KCNQ1: variants seen among roughly 807,000 people sequenced by gnomAD.
The protein encoded by KCNQ1 is potassium voltage-gated channel subfamily KQT member 1.
In KCNQ1, 49 loss-of-function variants were observed where a neutral mutation model predicts 72.4. The observed-to-expected ratio is 0.68, with a 90% confidence interval of 0.54 to 0.86. The LOEUF (loss-of-function observed/expected upper bound fraction) is 0.86, where lower values mean the gene tolerates loss of function less well. Among genes scored for constraint, KCNQ1 ranks in the 40% least tolerant of loss-of-function variants. The pLI, the probability that KCNQ1 is intolerant of heterozygous loss-of-function variation, is 0.00. For missense variants in KCNQ1, 790 were observed against 945.1 expected (o/e 0.84, Z 2.15); for synonymous variants, 450 against 412.6 (o/e 1.09, Z -1.10).
intron 6 of KCNQ1, among the ~76,000 whole-genome samples, chr11:2,578,612 C>T (rs1238523201): frequency 6.6e-6 from 1 of 152,226 alleles, no homozygotes; most frequent in African/African-American, 2.4e-5. Flanking sequence ...GGGGCCTCCT[C>T]ATGGCTGGGG....
rs1383406251 is a variant in KCNQ1 at position 2,764,866 on chromosome 11, G to A, written c.1515-3978G>A. Among the ~76,000 whole-genome samples the A allele has an allele frequency of 1.3e-5, 2 of 152,118 alleles. No individual in the cohort carries two copies. Among genetic ancestry groups the A allele is most frequent in the Non-Finnish European group, 2.9e-5 (2 of 68,028 alleles). On this transcript the variant is annotated intron_variant, in intron 11 of 15. Coordinates refer to ENST00000155840, the MANE Select transcript of KCNQ1 (RefSeq NM_000218.3). The surrounding 1 kb of genome is among the most constrained non-coding windows in gnomAD (Gnocchi z 4.8). The stretch of plus-strand genomic sequence containing the variant: ...CATTCCATCTTTAACTCCTGATGGC[G>A]GTCATTTGTGTCCCCTCCCCCATCT...
intron 6 of KCNQ1, among the ~76,000 whole-genome samples, chr11:2,583,071 C>T (rs1474150038): frequency 1.3e-5 from 2 of 152,318 alleles, no homozygotes; most frequent in African/African-American, 2.4e-5. Flanking sequence ...TGGGGGCCGG[C>T]GCACAGCAAC....
In KCNQ1 at chr11:2,483,972, T is replaced by C. The variant is rs184066388; in HGVS notation, c.386+38488T>C. Among the ~76,000 whole-genome samples the C allele has an allele frequency of 6.6e-6, 1 of 152,332 alleles. No homozygotes were observed. Among genetic ancestry groups the C allele is most frequent in the Non-Finnish European group, 1.5e-5 (1 of 68,026 alleles). ...TTTTGCTTGTGACAGGCAAAGTCTG[T>C]GGTGCTTGCCAAATGGGGATTTGTT... is the stretch of plus-strand genomic sequence containing the variant. On this transcript the variant is annotated intron_variant, in intron 1 of 15. Transcript: ENST00000155840. This position sits in a 1 kb window ranked among gnomAD's most constrained non-coding sequence, Gnocchi z 6.1.
In KCNQ1 at chr11:2,662,062, C is replaced by A; in HGVS notation, c.1495C>A (p.Pro499Thr). The A allele has an allele frequency of 6.2e-7, 1 of 1,614,224 alleles. No individual in the cohort carries two copies. Among genetic ancestry groups the A allele is most frequent in the Non-Finnish European group, 8.5e-7 (1 of 1,180,044 alleles). ...LDLEGETLLT[P>T]ITHISQLREH... The stretch of plus-strand genomic sequence containing the variant: ...CCTGGAAGGGGAGACTCTGCTGACA[C>A]CCATCACCCACATCTCACAGTGAGT... The change falls in exon 11 of 16, where the codon CCC (proline) becomes ACC (threonine). Residue 499 changes from proline to threonine, a missense_variant. Pro to Thr is a conservative substitution (Grantham distance 38). This residue lies in a region of KCNQ1 where 178 missense variants were observed against 177.9 expected (regional missense o/e 1.00). Coordinates refer to ENST00000155840, the MANE Select transcript of KCNQ1 (RefSeq NM_000218.3).
rs917703408 is a variant in KCNQ1, at chr11:2,491,796, C to G, written c.387-36132C>G. ...ATTTAATAGTCAAAGTTCCAAAGGTCAAGGATAAAGAAAGGATCCTAAAAG... is the reference window on the plus strand; with the variant it reads ...ATTTAATAGTCAAAGTTCCAAAGGTGAAGGATAAAGAAAGGATCCTAAAAG... On this transcript the variant is annotated intron_variant, in intron 1 of 15. Transcript: ENST00000155840. The surrounding 1 kb of genome is among the most constrained non-coding windows in gnomAD (Gnocchi z 4.1). Among the ~76,000 whole-genome samples the G allele has an allele frequency of 1.3e-5, 2 of 151,634 alleles. No homozygotes were observed. The highest frequency in any genetic ancestry group is 2.9e-5 in the Non-Finnish European group (2 of 67,938).
intron 1 of KCNQ1, among the ~76,000 whole-genome samples, chr11:2,490,090 G>A (rs571145722): frequency 6.6e-6 from 1 of 152,316 alleles, no homozygotes; most frequent in East Asian, 1.9e-4. Context: ...CAAGCTGACT[G>A]AAGAGCCCTC....
chr11:2,687,798 G>A lies in KCNQ1; in HGVS notation c.1514+25717G>A, dbSNP rs1850516618. The A allele has an allele frequency of 2.5e-6, 1 of 398,608 alleles. No homozygotes were observed. The highest frequency in any genetic ancestry group is 4.4e-6 in the Non-Finnish European group (1 of 226,190). 24.7% of individuals were successfully genotyped at this position (398,608 alleles called of 1,614,324 possible). ...CCTAACCACACCCCTAAGCCACCCA[G>A]CCTGGCCCCCCTCCTCTGCCCCAAC... is the stretch of plus-strand genomic sequence containing the variant. On this transcript the variant is annotated intron_variant, in intron 11 of 15. Coordinates refer to ENST00000155840, the MANE Select transcript of KCNQ1 (RefSeq NM_000218.3). The surrounding 1 kb of genome is among the most constrained non-coding windows in gnomAD (Gnocchi z 5.0).
At position 2,587,679 on chromosome 11, in the gene KCNQ1, A is replaced by G. The variant is rs1351149628; in HGVS notation, c.1238A>G (p.Lys413Arg). Residue 413 changes from lysine (K) to arginine (R), a missense_variant, in exon 9 of 16, where the codon AAG (lysine) becomes AGG (arginine). Coordinates refer to ENST00000155840, the MANE Select transcript of KCNQ1 (RefSeq NM_000218.3). ...HTLLSPSPKP[K>R]KSVVVKKKKF... is the part of the protein sequence containing the mutation. ...CTGCTGTCACCCAGCCCCAAACCCA[A>G]GAAGTCTGTGGTGGTGAGTAGCCCA... 26 of 1,613,592 alleles carry G rather than the reference A, an allele frequency of 1.6e-5. No homozygotes were observed. The highest frequency in any genetic ancestry group is 2.2e-5 in the Non-Finnish European group (26 of 1,179,964).
chr11:2,721,807 A>C (rs895577518), intron 11 of KCNQ1, among the ~76,000 whole-genome samples: 2 of 152,270 alleles, frequency 1.3e-5, no homozygotes, highest in Middle Eastern at 6.8e-3. Flanking sequence ...GCCTCCGAGG[A>C]GGTTCACCTG....
chr11:2,699,665 G>T, intron 11 of KCNQ1: 1 of 358,576 alleles, frequency 2.8e-6, no homozygotes, highest in South Asian at 1.3e-4. Flanking sequence ...AGAACCCCCG[G>T]GGAGAACCGC....
intron 2 of KCNQ1, among the ~76,000 whole-genome samples, chr11:2,553,573 G>C (rs756464998): frequency 2.0e-5 from 3 of 152,196 alleles, no homozygotes; most frequent in Non-Finnish European, 4.4e-5. Context: ...TAATTTGCTA[G>C]TGTGGGGAAT....
chr11:2,524,356 G>GT (rs1337527868), intron 1 of KCNQ1, among the ~76,000 whole-genome samples: 2 of 152,190 alleles, frequency 1.3e-5, no homozygotes, highest in Non-Finnish European at 2.9e-5. Flanking sequence ...CTGCAGTCCT[G>GT]TGTCTCCTCC....
intron 2 of KCNQ1, among the ~76,000 whole-genome samples, chr11:2,561,989 C>T (rs1848174941): frequency 6.6e-6 from 1 of 152,318 alleles, no homozygotes; most frequent in African/African-American, 2.4e-5. Flanking sequence ...CTCAGGGTGG[C>T]ACCCCAGCGG....
intron 11 of KCNQ1, among the ~76,000 whole-genome samples, chr11:2,727,639 T>C (rs1228608351): frequency 6.6e-6 from 1 of 152,118 alleles, no homozygotes; most frequent in South Asian, 2.1e-4. Flanking sequence ...AGGGGTCCAG[T>C]TGGCTAGACC....
rs1847838575 is a variant in KCNQ1 at position 2,826,307 on chromosome 11, G to A, written c.1795-21460G>A. Among the ~76,000 whole-genome samples the A allele has an allele frequency of 1.3e-5, 2 of 152,250 alleles. No individual in the cohort carries two copies. The highest frequency in any genetic ancestry group is 2.4e-5 in the African/African-American group (1 of 41,472). On this transcript the variant is annotated intron_variant, in intron 15 of 15. Transcript: ENST00000155840. This position sits in a 1 kb window ranked among gnomAD's most constrained non-coding sequence, Gnocchi z 4.2. The stretch of plus-strand genomic sequence containing the variant: ...AAATTGAGCCGGGGTTGGGGGCGGG[G>A]AGGGCAGGTTAACCCTTCGGGCTCC...
intron 10 of KCNQ1, chr11:2,634,313 TCCCCCC>T (rs1849416157): frequency 1.9e-3 from 11 of 5,908 alleles, no homozygotes; most frequent in African/African-American, 4.1e-3. Flanking sequence ...ATGCTTTCCC[TCCCCCC>T]TCCCCCCTCC....
At position 2,822,115 on chromosome 11, in the gene KCNQ1, G is replaced by A. The variant is rs74716041; in HGVS notation, c.1795-25652G>A. Among the ~76,000 whole-genome samples the A allele has an allele frequency of 7.2e-3, 1,101 of 152,304 alleles. 8 individuals carry two copies. The highest frequency in any genetic ancestry group is 0.032 in the South Asian group (155 of 4,830). On this transcript the variant is annotated intron_variant, in intron 15 of 15. Coordinates refer to ENST00000155840, the MANE Select transcript of KCNQ1 (RefSeq NM_000218.3). Reference sequence around the variant, plus strand: ...GTGCTGTGCTGCTGGCTTTGAAGACGGAGGAGGGGCCACAGCCCAGGAACG... The same window carrying A: ...GTGCTGTGCTGCTGGCTTTGAAGACAGAGGAGGGGCCACAGCCCAGGAACG...
At position 2,621,239 on chromosome 11, in the gene KCNQ1, A is replaced by G. The variant is rs982652555; in HGVS notation, c.1393+32385A>G. On this transcript the variant is annotated intron_variant, in intron 10 of 15. Transcript: ENST00000155840. The surrounding 1 kb of genome is among the most constrained non-coding windows in gnomAD (Gnocchi z 5.7). Reference sequence around the variant, plus strand: ...ATGATCCACGCACCTCAGCCTCCCAAAGTGCTAGGACTACAGGCATGAGCC... The same window carrying G: ...ATGATCCACGCACCTCAGCCTCCCAGAGTGCTAGGACTACAGGCATGAGCC... 21 of 397,792 alleles carry G rather than the reference A, an allele frequency of 5.3e-5. No individual in the cohort carries two copies. Among genetic ancestry groups the G allele is most frequent in the Non-Finnish European group, 8.8e-5 (20 of 225,998 alleles). The allele number at this position is 397,792 out of a possible 1,614,324, so 24.6% of individuals were successfully genotyped here. A position where few individuals can be genotyped will look rare whatever the true frequency, so the allele number is the denominator to read the frequency against.
chr11:2,756,441 T>TAA (rs59499292), intron 11 of KCNQ1, among the ~76,000 whole-genome samples: 3,218 of 137,266 alleles, frequency 0.023, 42 homozygotes, highest in African/African-American at 0.031. Flanking sequence ...TTACTAAAAT[T>TAA]AAAAAAAAAA....
Sources: gnomAD v4.1 joint callset for allele counts (sites outside exome capture counted in the v4.1 genomes callset) on GRCh38, gnomAD v4.1.1 for gene constraint, gnomAD v4.1.1 regional missense constraint, Gnocchi (gnomAD v3.1) non-coding constraint, MANE v1.5 for transcripts, NCBI Gene and HGNC (gene_info 2026-07-23, HGNC 2026-07-21) for gene names.